Variants in GCSAML observed in about 807,000 individuals in gnomAD.
GCSAML encodes the protein germinal center-associated signaling and motility-like protein.
GCSAML carries 9 observed loss-of-function variants against 13.0 expected under a neutral mutation model. That is an observed-to-expected ratio of 0.69 (90% CI 0.42 to 1.21). GCSAML has a LOEUF of 1.21. Ranked by LOEUF, GCSAML falls within the 50% of genes most tolerant of loss-of-function variation. The pLI is 0.00. For synonymous variants in GCSAML, 37 were observed against 52.9 expected, an observed-to-expected ratio of 0.70 and a Z score of 1.31; for missense variants, 143 against 153.4, an observed-to-expected ratio of 0.93 and a Z score of 0.36.
intron 4 of GCSAML, among the ~76,000 whole-genome samples, chr1:247,571,264 G>A (rs1263437168): frequency 1.3e-5 from 2 of 152,120 alleles, no homozygotes; most frequent in African/African-American, 4.8e-5. Flanking sequence ...TGGTTATTTT[G>A]CTCATTAGTT....
At chr1:247,515,356 C>T (rs775267890) in intron 1 of GCSAML, among the ~76,000 whole-genome samples, 1 of 152,284 alleles carries the variant, frequency 6.6e-6, no homozygotes, top group South Asian at 2.1e-4. Context: ...GCAACAGTAA[C>T]TTTAATTTTT....
At chr1:247,563,800 G>A (rs527859045) in intron 3 of GCSAML, among the ~76,000 whole-genome samples, 161 bp downstream of exon 3, 2 of 152,258 alleles carry the variant, frequency 1.3e-5, no homozygotes, top group Admixed American at 6.5e-5. Flanking sequence ...TGGTATTAAA[G>A]TAATATTTGT....
intron 2 of GCSAML, chr1:247,531,759 C>G: frequency 6.2e-7 from 1 of 1,614,180 alleles, no homozygotes; most frequent in Non-Finnish European, 8.5e-7. Context: ...TCCCGTAAAA[C>G]AGAGACACCA....
intron 1 of GCSAML, among the ~76,000 whole-genome samples, chr1:247,550,383 A>G (rs568782549): frequency 2.0e-5 from 3 of 152,278 alleles, no homozygotes; most frequent in Admixed American, 6.5e-5. Flanking sequence ...CATGTCTGTA[A>G]TCCCAGCACT....
chr1:247,555,076 T>C (rs1291488009), intron 1 of GCSAML, among the ~76,000 whole-genome samples: 1 of 152,172 alleles, frequency 6.6e-6, no homozygotes, highest in Non-Finnish European at 1.5e-5. Flanking sequence ...TTATTCACAG[T>C]AGAATTTAGT....
chr1:247,568,212 C>G (rs1440994210), intron 4 of GCSAML, among the ~76,000 whole-genome samples: 1 of 152,166 alleles, frequency 6.6e-6, no homozygotes, highest in African/African-American at 2.4e-5. Flanking sequence ...GCTTCTGTTG[C>G]AATTGCTTTT....
At chr1:247,570,344 A>G (rs1351342088) in intron 4 of GCSAML, among the ~76,000 whole-genome samples, 1 of 152,156 alleles carries the variant, frequency 6.6e-6, no homozygotes, top group Non-Finnish European at 1.5e-5. Flanking sequence ...GTTTGCATTT[A>G]GTGCTATAAA....
chr1:247,542,026 A>G (rs1484340402), intron 2 of GCSAML, among the ~76,000 whole-genome samples: 1 of 152,006 alleles, frequency 6.6e-6, no homozygotes, highest in Non-Finnish European at 1.5e-5. Flanking sequence ...AAAGAAAAAA[A>G]AAAAAGGAAA....
chr1:247,564,803 T>G (rs1181450629), intron 3 of GCSAML, among the ~76,000 whole-genome samples: 1 of 152,184 alleles, frequency 6.6e-6, no homozygotes, highest in African/African-American at 2.4e-5. Flanking sequence ...CTGGGTTAAC[T>G]GGCTAGCCAT....
intron 1 of GCSAML, among the ~76,000 whole-genome samples, chr1:247,507,491 G>T (rs747017867): frequency 2.0e-5 from 3 of 152,056 alleles, no homozygotes; most frequent in Non-Finnish European, 4.4e-5. Context: ...TAATATATTA[G>T]CTATACCAGA....
In GCSAML at chr1:247,539,714, TG is replaced by T. The variant is rs200781629; in HGVS notation, c.-147-9330del. ...CGACCTCTGTTCCTCACATATAATC[TG>T]TCAGCAAATCCTTTTGACTCTATTT... is the stretch of plus-strand genomic sequence containing the variant. On this transcript the variant is annotated intron_variant, in intron 2 of 5. Coordinates refer to the GCSAML transcript ENST00000366489. Among the ~76,000 whole-genome samples the T allele has an allele frequency of 5.4e-4, 82 of 151,912 alleles. No homozygotes were observed. The East Asian group carries it at 0.015, about 27-fold the overall frequency.
intron 2 of GCSAML, among the ~76,000 whole-genome samples, chr1:247,561,300 A>AT (rs148258223): frequency 6.6e-6 from 1 of 152,322 alleles, no homozygotes; most frequent in East Asian, 1.9e-4. Flanking sequence ...TGGGGGGTAC[A>AT]TGTGATATTT....
intron 4 of GCSAML, among the ~76,000 whole-genome samples, chr1:247,568,887 T>A (rs1258895014): frequency 6.6e-6 from 1 of 152,184 alleles, no homozygotes; most frequent in African/African-American, 2.4e-5. Flanking sequence ...GAAGAGGTGC[T>A]TTACGTCCCT....
chr1:247,540,526 G>T (rs1212903707), intron 2 of GCSAML, among the ~76,000 whole-genome samples: 1 of 152,222 alleles, frequency 6.6e-6, no homozygotes, highest in African/African-American at 2.4e-5. Context: ...TATGTGTCTT[G>T]TTCTGTCAGA....
chr1:247,529,503 T>C (rs868451004), intron 2 of GCSAML: 1 of 152,218 alleles, frequency 6.6e-6, no homozygotes, highest in African/African-American at 2.4e-5. Flanking sequence ...GTGTATGCCC[T>C]AAACCTGCAG....
In GCSAML at chr1:247,574,493, G is replaced by C; in HGVS notation, c.*111G>C. Reference sequence around the variant, plus strand: ...CATGAAACATTCCTTTCTGGCTAAAGTTTAGAAATATTATCTTATTATATA... The same window carrying C: ...CATGAAACATTCCTTTCTGGCTAAACTTTAGAAATATTATCTTATTATATA... On this transcript the variant is annotated 3_prime_UTR_variant, in exon 5 of 5. Coordinates refer to ENST00000366488, the MANE Select transcript of GCSAML (RefSeq NM_145278.5). 8.2e-7 allele frequency: 1 copy of C among 1,213,854 alleles called. No individual in the cohort carries two copies. Among genetic ancestry groups the C allele is most frequent in the Non-Finnish European group, 1.2e-6 (1 of 866,540 alleles). The allele number at this position is 1,213,854 out of a possible 1,614,324, so 75.2% of individuals were successfully genotyped here.
intron 1 of GCSAML, among the ~76,000 whole-genome samples, chr1:247,549,607 C>A (rs1052239418): frequency 2.2e-4 from 33 of 152,104 alleles, no homozygotes; most frequent in African/African-American, 8.0e-4. Context: ...CATCTGGCAA[C>A]CCTACACAAT....
intron 4 of GCSAML, 43 bp from the exon 5 acceptor site, chr1:247,574,100 A>G: frequency 6.2e-7 from 1 of 1,606,708 alleles, no homozygotes; most frequent in Non-Finnish European, 8.5e-7. Flanking sequence ...CAATTTATGA[A>G]TGACCGTGGA....
chr1:247,548,062 CTTCCTCAGTCCTGAT>C (rs1667637598), upstream of GCSAML, among the ~76,000 whole-genome samples: 1 of 152,222 alleles, frequency 6.6e-6, no homozygotes, highest in African/African-American at 2.4e-5. The surrounding 1 kb of genome is among the most constrained non-coding windows in gnomAD (Gnocchi z 5.3). Flanking sequence ...GTCAATTAAA[CTTCCTCAGTCCTGAT>C]TTCCTCATTG....
Sources: allele counts gnomAD v4.1 joint callset (sites outside exome capture counted in the v4.1 genomes callset), GRCh38; gene constraint gnomAD v4.1.1; non-coding constraint Gnocchi (gnomAD v3.1); transcripts MANE v1.5; gene names NCBI Gene and HGNC (gene_info 2026-07-23, HGNC 2026-07-21).